The following MTRFR variants were observed in gnomAD, a reference collection of about 807,000 sequenced individuals.
MTRFR encodes mitochondrial translation release factor in rescue, also known as probable peptide chain release factor C12orf65, mitochondrial.
In MTRFR, 10 loss-of-function variants were observed where a neutral mutation model predicts 11.9. The ratio of observed to expected loss-of-function variants is 0.84; its 90% CI spans 0.52 to 1.42. The LOEUF (loss-of-function observed/expected upper bound fraction) is 1.42. MTRFR is among the 40% of genes most tolerant of loss of function. The pLI is 0.00. For missense variants in MTRFR, 196 were observed against 197.9 expected, an observed-to-expected ratio of 0.99 and a Z score of 0.06; for synonymous variants, 77 against 79.1, an observed-to-expected ratio of 0.97 and a Z score of 0.14.
intron 1 of MTRFR, among the ~76,000 whole-genome samples, chr12:123,234,152 T>C (rs2047788863): frequency 6.6e-6 from 1 of 152,146 alleles, no homozygotes; most frequent in African/African-American, 2.4e-5. Flanking sequence ...CCCCAGCCCA[T>C]TTCATGCGCA....
intron 1 of MTRFR, 99 bp downstream of exon 1, chr12:123,233,630 G>C (rs2047769398): frequency 6.6e-6 from 1 of 152,202 alleles, no homozygotes; most frequent in Non-Finnish European, 1.5e-5. Flanking sequence ...GGTTTTTCCC[G>C]ACTTGCGACC....
chr12:123,238,151 C>T (rs2047880128), intron 1 of MTRFR, among the ~76,000 whole-genome samples: 1 of 152,092 alleles, frequency 6.6e-6, no homozygotes, highest in African/African-American at 2.4e-5. Context: ...CCTCAGCCTC[C>T]CAAAGTGCTA....
At chr12:123,254,293 A>C in intron 2 of MTRFR, 1 of 290,634 alleles carries the variant, frequency 3.4e-6, no homozygotes. Context: ...GTGGCTGATA[A>C]AGGCAGGCGC....
intron 1 of MTRFR, chr12:123,250,030 C>G (rs747737880): frequency 6.6e-6 from 1 of 152,200 alleles, no homozygotes; most frequent in Admixed American, 6.5e-5. Flanking sequence ...TAGGTTTGGT[C>G]GTTTAACACA....
intron 1 of MTRFR, chr12:123,252,054 C>T (rs1037631783): frequency 1.3e-5 from 2 of 152,226 alleles, no homozygotes; most frequent in Non-Finnish European, 2.9e-5. Flanking sequence ...CTTTTAATAT[C>T]TTCTCTAACT....
At chr12:123,245,245 T>A (rs576189170) in intron 1 of MTRFR, among the ~76,000 whole-genome samples, 1 of 152,310 alleles carries the variant, frequency 6.6e-6, no homozygotes, top group Non-Finnish European at 1.5e-5. Context: ...CCTACGTGCC[T>A]ATTTTTATAC....
intron 2 of MTRFR, 124 bp from the exon 3 acceptor site, chr12:123,256,687 ACT>A (rs1160525965): frequency 2.5e-6 from 2 of 807,376 alleles, no homozygotes; most frequent in Non-Finnish European, 4.1e-6. Context: ...CAAGAACGAA[ACT>A]CTGTCTCAAT....
chr12:123,240,852 G>C (rs2047924196), intron 1 of MTRFR, among the ~76,000 whole-genome samples: 1 of 148,456 alleles, frequency 6.7e-6, no homozygotes, highest in South Asian at 2.1e-4. Context: ...TCCTGCCTCA[G>C]CCTCAGCACA....
intron 1 of MTRFR, among the ~76,000 whole-genome samples, chr12:123,244,444 CAAAA>C (rs1171875733): frequency 1.3e-5 from 2 of 150,014 alleles, no homozygotes; most frequent in African/African-American, 4.9e-5. Flanking sequence ...AAACAAAAAA[CAAAA>C]AAAAAGCAGC....
intron 1 of MTRFR, among the ~76,000 whole-genome samples, chr12:123,243,578 G>C (rs918712337): frequency 6.6e-6 from 1 of 151,666 alleles, no homozygotes; most frequent in Non-Finnish European, 1.5e-5. Flanking sequence ...GGTGGCACGT[G>C]CCTGTAGTCC....
intron 1 of MTRFR, among the ~76,000 whole-genome samples, chr12:123,234,246 G>A (rs996270779): frequency 6.6e-6 from 1 of 152,224 alleles, no homozygotes; most frequent in African/African-American, 2.4e-5. Flanking sequence ...CTGGCTCACA[G>A]TAAAGGGACT....
chr12:123,239,708 C>T (rs971010187), intron 1 of MTRFR, among the ~76,000 whole-genome samples: 12 of 152,088 alleles, frequency 7.9e-5, no homozygotes, highest in African/African-American at 2.9e-4. Flanking sequence ...AGCCCAGTAG[C>T]GTTAGTTTCT....
chr12:123,233,519 G>T lies in MTRFR; in HGVS notation c.-41G>T, dbSNP rs1346709891. On this transcript the variant is annotated 5_prime_UTR_variant, in exon 1 of 3. Coordinates refer to ENST00000253233, the MANE Select transcript of MTRFR (RefSeq NM_152269.5). ...CTAGAACGTTGAGGGCACGAGTCGGGTCCTGAGACCAGGTAAGCATCTGCG... is the reference window on the plus strand; with the variant it reads ...CTAGAACGTTGAGGGCACGAGTCGGTTCCTGAGACCAGGTAAGCATCTGCG... 1 of 152,278 alleles carries T rather than the reference G, an allele frequency of 6.6e-6. No individual in the cohort carries two copies. Among genetic ancestry groups the T allele is most frequent in the Non-Finnish European group, 1.5e-5 (1 of 68,066 alleles). The allele number at this position is 152,278 out of a possible 1,614,324, so 9.4% of individuals were successfully genotyped here. A position where few individuals can be genotyped will look rare whatever the true frequency, so the allele number is the denominator to read the frequency against.
chr12:123,253,718 G>C lies in MTRFR; in HGVS notation c.44G>C (p.Arg15Pro). The change falls in exon 2 of 3, where the codon CGA becomes CCA. Residue 15 changes from arginine (R) to proline (P), a missense_variant. Coordinates refer to ENST00000253233, the MANE Select transcript of MTRFR (RefSeq NM_152269.5). ...TTTCATTTTCCTACACCACTGACCCGAATATGCCCGGCGCCATGGGGACTC... is the reference window on the plus strand; with the variant it reads ...TTTCATTTTCCTACACCACTGACCCCAATATGCCCGGCGCCATGGGGACTC... ...GLFHFPTPLT[R>P]ICPAPWGLRL... The C allele has an allele frequency of 6.2e-7, 1 of 1,614,094 alleles. No individual in the cohort carries two copies. The highest frequency in any genetic ancestry group is 1.1e-5 in the South Asian group (1 of 91,074).
At chr12:123,250,371 G>T (rs1042992396) in intron 1 of MTRFR, 1 of 152,034 alleles carries the variant, frequency 6.6e-6, no homozygotes, top group Non-Finnish European at 1.5e-5. Flanking sequence ...TCTTTTTCAG[G>T]TAAATCAGGT....
At chr12:123,235,531 AT>A (rs538804885) in intron 1 of MTRFR, among the ~76,000 whole-genome samples, 3,077 of 141,068 alleles carry the variant, frequency 0.022, 40 homozygotes, top group African/African-American at 0.037. Flanking sequence ...GGCCCAGCTA[AT>A]TTTTTTTTTT....
At chr12:123,254,235 T>G (rs1336996503) in intron 2 of MTRFR, 1 of 458,482 alleles carries the variant, frequency 2.2e-6, no homozygotes. Flanking sequence ...CAGACAGCAC[T>G]GGTGCTTGGC....
chr12:123,234,597 A>G (rs964587353), intron 1 of MTRFR, among the ~76,000 whole-genome samples: 3 of 151,862 alleles, frequency 2.0e-5, no homozygotes, highest in Non-Finnish European at 4.4e-5. Context: ...GGGTTTTGCC[A>G]TATTGGCCAG....
intron 1 of MTRFR, among the ~76,000 whole-genome samples, chr12:123,242,316 G>A (rs561544414): frequency 6.6e-6 from 1 of 152,152 alleles, no homozygotes; most frequent in Non-Finnish European, 1.5e-5. Flanking sequence ...AGGGAACTGG[G>A]GCAGAGCTGT....
Sources: gnomAD v4.1 joint callset for allele counts (sites outside exome capture counted in the v4.1 genomes callset) on GRCh38, gnomAD v4.1.1 for gene constraint, MANE v1.5 for transcripts, NCBI Gene and HGNC (gene_info 2026-07-23, HGNC 2026-07-21) for gene names.